The following TSGA10 variants were observed in gnomAD, a reference collection of about 807,000 sequenced individuals.
TSGA10 encodes testis-specific gene 10 protein.
TSGA10 carries 43 observed loss-of-function variants against 96.6 expected under a neutral mutation model. The observed-to-expected ratio is 0.44, with a 90% confidence interval of 0.35 to 0.57. TSGA10 has a LOEUF of 0.57. TSGA10 is among the 20% of genes least tolerant of loss of function. The pLI, the probability that TSGA10 is intolerant of heterozygous loss-of-function variation, is 0.01. For missense variants in TSGA10, 703 were observed against 834.4 expected, an observed-to-expected ratio of 0.84 and a Z score of 1.94; for synonymous variants, 229 against 269.9, an observed-to-expected ratio of 0.85 and a Z score of 1.48.
At chr2:99,074,000 C>CTTTTCTT (rs2086308030) in intron 12 of TSGA10, among the ~76,000 whole-genome samples, 1 of 52,608 alleles carries the variant, frequency 1.9e-5, no homozygotes, top group Non-Finnish European at 3.7e-5. Context: ...TGTTTCTTTT[C>CTTTTCTT]TTTTTTTTTT....
intron 10 of TSGA10, among the ~76,000 whole-genome samples, chr2:99,091,401 T>C (rs1558985173): frequency 6.6e-6 from 1 of 151,934 alleles, no homozygotes; most frequent in South Asian, 2.1e-4. Context: ...CATACATAAA[T>C]ACCAAGGTAT....
chr2:99,103,832 G>A (rs2091041377), intron 10 of TSGA10, 135 bp downstream of exon 10: 1 of 1,019,032 alleles, frequency 9.8e-7, no homozygotes, highest in African/African-American at 1.6e-5. Context: ...TGTGTGCCAA[G>A]GGTTCCTACA....
intron 16 of TSGA10, among the ~76,000 whole-genome samples, chr2:99,044,439 G>A (rs1245873551): frequency 4.0e-5 from 6 of 151,132 alleles, no homozygotes; most frequent in Non-Finnish European, 8.8e-5. Flanking sequence ...GACAAAGAAG[G>A]GCATAAAATA....
At chr2:99,120,622 AC>A (rs1179885765) in intron 2 of TSGA10, among the ~76,000 whole-genome samples, 3 of 152,304 alleles carry the variant, frequency 2.0e-5, no homozygotes, top group East Asian at 3.9e-4. Context: ...AATAAGATTC[AC>A]AGGAAGCAAA....
In TSGA10 at chr2:99,092,700, A is replaced by G. The variant is rs137936422; in HGVS notation, c.611+11267T>C. Among the ~76,000 whole-genome samples the G allele has an allele frequency of 7.2e-3, 1,103 of 152,314 alleles. 5 individuals carry two copies. Among genetic ancestry groups the G allele is most frequent in the Non-Finnish European group, 0.01 (702 of 68,014 alleles). On this transcript the variant is annotated intron_variant, in intron 10 of 20. Coordinates refer to ENST00000393483, the MANE Select transcript of TSGA10 (RefSeq NM_025244.4). ...GAGACGGATAAATTCCTGGAAATAT[A>G]CAACCCTCCTAGCTTAAACCAGGAA...
chr2:99,120,656 C>T lies in TSGA10; in HGVS notation c.-491-1970G>A, dbSNP rs116806919. Among the ~76,000 whole-genome samples, 1,251 of 152,200 alleles carry T rather than the reference C, an allele frequency of 8.2e-3. 20 individuals carry two copies. The highest frequency in any genetic ancestry group is 0.028 in the African/African-American group (1,175 of 41,514). On this transcript the variant is annotated intron_variant, in intron 2 of 20. Coordinates refer to ENST00000393483, the MANE Select transcript of TSGA10 (RefSeq NM_025244.4). ...AAATGTAGTACAGAGAAGTCTCATA[C>T]GCCCTTTACTCAGTTTCCGCTGATA...
intron 15 of TSGA10, among the ~76,000 whole-genome samples, chr2:99,067,570 G>A (rs2085404893): frequency 6.6e-6 from 1 of 152,156 alleles, no homozygotes; most frequent in South Asian, 2.1e-4. Context: ...ATGTTGCTCT[G>A]GGGTGAGTGC....
At chr2:99,122,382 C>T (rs2092615897) in intron 2 of TSGA10, among the ~76,000 whole-genome samples, 5 of 151,992 alleles carry the variant, frequency 3.3e-5, no homozygotes, top group African/African-American at 1.2e-4. Context: ...GAAACCTTAC[C>T]TGTTAGCTCC....
chr2:99,147,417 G>C lies in TSGA10; in HGVS notation c.-621+7276C>G, dbSNP rs1399560095. Reference sequence around the variant, plus strand: ...TATATTCCAGATTTCTTCTTGAATGGCAACCTAAATGCCAGTCCAAAGAGG... The same window carrying C: ...TATATTCCAGATTTCTTCTTGAATGCCAACCTAAATGCCAGTCCAAAGAGG... On this transcript the variant is annotated intron_variant, in intron 1 of 20. Transcript: ENST00000393483. The C allele has an allele frequency of 1.9e-6, 3 of 1,572,776 alleles. No individual in the cohort carries two copies. The Admixed American group carries it at 5.0e-5, about 26-fold the overall frequency.
chr2:98,999,500 G>A (rs569655481), intron 20 of TSGA10, among the ~76,000 whole-genome samples: 4 of 152,256 alleles, frequency 2.6e-5, no homozygotes, highest in African/African-American at 9.6e-5. Flanking sequence ...ATTTGAAACT[G>A]AGAGTAAAAG....
intron 20 of TSGA10, among the ~76,000 whole-genome samples, chr2:99,013,771 T>G (rs1378398559): frequency 6.6e-6 from 1 of 151,592 alleles, no homozygotes; most frequent in African/African-American, 2.4e-5. Context: ...ATCCCAGCAT[T>G]TTGGGAGGCG....
At chr2:99,059,049 AAT>A (rs58675400) in intron 16 of TSGA10, among the ~76,000 whole-genome samples, 41,908 of 136,074 alleles carry the variant, frequency 0.31, 6,543 homozygotes, top group Admixed American at 0.39. Flanking sequence ...AAAAAAAAAT[AAT>A]ATATATATAT....
At chr2:99,089,783 C>T (rs1016745432) in intron 10 of TSGA10, among the ~76,000 whole-genome samples, 2 of 152,156 alleles carry the variant, frequency 1.3e-5, no homozygotes, top group African/African-American at 4.8e-5. Context: ...TAAGCTCTGA[C>T]ATGACTAACC....
intron 2 of TSGA10, among the ~76,000 whole-genome samples, chr2:99,120,921 C>A (rs1156679906): frequency 6.6e-6 from 1 of 152,144 alleles, no homozygotes; most frequent in African/African-American, 2.4e-5. Context: ...AATCATAGAG[C>A]ATGTGATCTT....
chr2:99,076,109 C>T (rs1269313611), intron 12 of TSGA10, among the ~76,000 whole-genome samples: 1 of 152,146 alleles, frequency 6.6e-6, no homozygotes, highest in Non-Finnish European at 1.5e-5. Context: ...ATTTCACCTA[C>T]ATAACCCAAA....
chr2:99,135,136 G>A (rs556337510), intron 1 of TSGA10, among the ~76,000 whole-genome samples: 4 of 152,146 alleles, frequency 2.6e-5, no homozygotes, highest in African/African-American at 9.7e-5. Context: ...TGCTCTCTTC[G>A]GAGCCAGCAG....
chr2:99,124,169 G>T (rs1028057439), intron 2 of TSGA10, among the ~76,000 whole-genome samples: 1 of 152,078 alleles, frequency 6.6e-6, no homozygotes, highest in Non-Finnish European at 1.5e-5. Context: ...CACCCTAATG[G>T]GTATGAAGTG....
chr2:99,029,107 C>T (rs1054048619), intron 17 of TSGA10, among the ~76,000 whole-genome samples: 2 of 152,070 alleles, frequency 1.3e-5, no homozygotes, highest in Non-Finnish European at 2.9e-5. Flanking sequence ...GGAGAAAGTA[C>T]CTTATTCTAG....
chr2:99,131,565 AAC>A (rs2093085824), intron 1 of TSGA10, among the ~76,000 whole-genome samples: 2 of 152,154 alleles, frequency 1.3e-5, no homozygotes, highest in African/African-American at 2.4e-5. Context: ...GTCATCTGCA[AAC>A]AGAGACAATT....
Sources: gnomAD v4.1 joint callset for allele counts (sites outside exome capture counted in the v4.1 genomes callset) on GRCh38, gnomAD v4.1.1 for gene constraint, MANE v1.5 for transcripts, NCBI Gene and HGNC (gene_info 2026-07-23, HGNC 2026-07-21) for gene names.